The following HIPK1 variants were observed in gnomAD, a reference collection of about 807,000 sequenced individuals.
HIPK1 encodes the protein homeodomain-interacting protein kinase 1.
A neutral mutation model predicts 117.1 loss-of-function variants in HIPK1; 28 were observed. The ratio of observed to expected loss-of-function variants is 0.24; its 90% CI spans 0.18 to 0.33. HIPK1 has a LOEUF of 0.33. Among genes scored for constraint, HIPK1 ranks in the 10% least tolerant of loss-of-function variants. The pLI is 1.00. For synonymous variants in HIPK1, 605 were observed against 562.5 expected, an observed-to-expected ratio of 1.08 and a Z score of -1.07; for missense variants, 1,122 against 1,475.1, an observed-to-expected ratio of 0.76 and a Z score of 3.92.
At position 113,929,483 on chromosome 1, in the gene HIPK1, A is replaced by G. The variant is rs1470706090; in HGVS notation, c.-52A>G. The G allele has an allele frequency of 5.4e-6, 7 of 1,289,272 alleles. No homozygotes were observed. Among genetic ancestry groups the G allele is most frequent in the Non-Finnish European group, 7.1e-6 (7 of 988,870 alleles). The allele number at this position is 1,289,272 out of a possible 1,614,324, so 79.9% of individuals were successfully genotyped here. A position where few individuals can be genotyped will look rare whatever the true frequency, so the allele number is the denominator to read the frequency against. ...AGGCCCACCGACTCCTACTGCAATC[A>G]GTACTATGCGATCGTCCTAGAGAGT... On this transcript the variant is annotated 5_prime_UTR_variant, in exon 1 of 16. Transcript: ENST00000426820.
At chr1:113,959,724 T>C (rs969460773) in intron 8 of HIPK1, among the ~76,000 whole-genome samples, 2 of 152,196 alleles carry the variant, frequency 1.3e-5, no homozygotes, top group Non-Finnish European at 2.9e-5. Flanking sequence ...ATTTTTCCTA[T>C]CTAGGAAGTA....
intron 15 of HIPK1, 109 bp from the exon 16 acceptor site, chr1:113,972,915 A>G (rs933120431): frequency 1.1e-5 from 13 of 1,210,852 alleles, no homozygotes; most frequent in Admixed American, 7.6e-5. Context: ...ATTATGTGCT[A>G]TACCCATTCG....
rs747362872 is a variant in HIPK1, at chr1:113,958,047, A to G, written c.1756-19A>G. ...CTCTACTTAATACAAGTGTACAAAT[A>G]TAATCCTTTTGTTTTTAGGCCAGTG... On this transcript the variant is annotated intron_variant, in intron 7 of 15. Transcript: ENST00000426820. The G allele has an allele frequency of 6.5e-7, 1 of 1,550,244 alleles. No individual in the cohort carries two copies. Among genetic ancestry groups the G allele is most frequent in the Admixed American group, 1.7e-5 (1 of 59,930 alleles).
At chr1:113,936,175 C>T (rs1245721829) in intron 1 of HIPK1, among the ~76,000 whole-genome samples, 4 of 152,122 alleles carry the variant, frequency 2.6e-5, no homozygotes, top group Admixed American at 2.6e-4. Flanking sequence ...TGTAAGAACC[C>T]CGGTGGTCTG....
intron 1 of HIPK1, among the ~76,000 whole-genome samples, chr1:113,930,126 G>A (rs750695699): frequency 2.6e-4 from 40 of 152,240 alleles, no homozygotes; most frequent in Non-Finnish European, 4.6e-4. Context: ...CCGCTGAGGG[G>A]ATTGCCTTCC....
In HIPK1 at chr1:113,967,945, C is replaced by T; in HGVS notation, c.2561C>T (p.Ser854Phe). 6.2e-7 allele frequency: 1 copy of T among 1,602,948 alleles called. No individual in the cohort carries two copies. The highest frequency in any genetic ancestry group is 8.5e-7 in the Non-Finnish European group (1 of 1,177,508). Residue 854 changes from serine to phenylalanine, a missense_variant, in exon 12 of 16, where the codon TCC becomes TTC. This residue lies in a region of HIPK1 where 731 missense variants were observed against 860.4 expected (regional missense o/e 0.85). Coordinates refer to ENST00000426820, the MANE Select transcript of HIPK1 (RefSeq NM_198268.3). ...KKNKQSAPVS[S>F]KSSLDVLPSQ... The stretch of plus-strand genomic sequence containing the variant: ...AATAAGCAGTCAGCTCCAGTCTCTT[C>T]CAAGTGAGTCTGTGTTACAGCTGAT...
chr1:113,952,832 G>A lies in HIPK1; in HGVS notation c.1143G>A (p.Val381=). Residue 381 remains valine (V), a synonymous_variant, in exon 3 of 16, where the codon GTG becomes GTA. Coordinates refer to ENST00000426820, the MANE Select transcript of HIPK1 (RefSeq NM_198268.3). ...EAIDMWSLGC[V]IAELFLGWPL... Reference sequence around the variant, plus strand: ...TTGATATGTGGTCACTGGGCTGTGTGATAGCTGAGCTGTTCCTGGGATGGC... The same window carrying A: ...TTGATATGTGGTCACTGGGCTGTGTAATAGCTGAGCTGTTCCTGGGATGGC... The A allele has an allele frequency of 1.9e-6, 3 of 1,559,722 alleles. No individual in the cohort carries two copies. The highest frequency in any genetic ancestry group is 2.6e-6 in the Non-Finnish European group (3 of 1,150,140).
intron 2 of HIPK1, among the ~76,000 whole-genome samples, chr1:113,948,694 C>T (rs894779168): frequency 2.0e-5 from 3 of 151,626 alleles, no homozygotes; most frequent in African/African-American, 7.3e-5. Flanking sequence ...ACTCCAAAAG[C>T]AGGGTGAGAC....
chr1:113,940,617 T>A lies in HIPK1; in HGVS notation c.234T>A (p.Ala78=). ...PAYDQGLLLP[A]PAVEHIVVTA... The stretch of plus-strand genomic sequence containing the variant: ...ACGACCAGGGCCTCCTCCTCCCAGC[T>A]CCTGCAGTGGAGCATATTGTTGTAA... The change falls in exon 2 of 16, where the codon GCT becomes GCA. Residue 78 remains alanine, a synonymous_variant. Transcript: ENST00000426820. 1 of 1,614,164 alleles carries A rather than the reference T, an allele frequency of 6.2e-7. No homozygotes were observed. The highest frequency in any genetic ancestry group is 8.5e-7 in the Non-Finnish European group (1 of 1,180,032).
intron 2 of HIPK1, among the ~76,000 whole-genome samples, chr1:113,944,492 GT>G (rs545024919): frequency 2.5e-5 from 3 of 122,224 alleles, no homozygotes; most frequent in African/African-American, 6.1e-5. Context: ...TTTTTTTTTT[GT>G]TTTTTTTTTG....
chr1:113,956,304 C>T (rs748768436), intron 5 of HIPK1, among the ~76,000 whole-genome samples: 1 of 152,022 alleles, frequency 6.6e-6, no homozygotes, highest in Non-Finnish European at 1.5e-5. Context: ...GTCTCAAACT[C>T]CTGACCTCAG....
At chr1:113,950,652 G>A (rs368646017) in intron 2 of HIPK1, among the ~76,000 whole-genome samples, 7 of 152,124 alleles carry the variant, frequency 4.6e-5, no homozygotes, top group South Asian at 2.1e-4. Flanking sequence ...ACAGCTGCCC[G>A]CCACCATGCC....
intron 2 of HIPK1, among the ~76,000 whole-genome samples, chr1:113,947,027 T>G (rs1671031625): frequency 6.6e-6 from 1 of 152,204 alleles, no homozygotes; most frequent in Admixed American, 6.5e-5. Flanking sequence ...CTGTGAAATC[T>G]GTTTGGCTGG....
intron 1 of HIPK1, among the ~76,000 whole-genome samples, chr1:113,937,625 G>A (rs989514451): frequency 1.3e-5 from 2 of 152,154 alleles, no homozygotes; most frequent in African/African-American, 4.8e-5. Flanking sequence ...TAAGGCTTTG[G>A]TGATAGAAGA....
chr1:113,948,562 T>C (rs1671137541), intron 2 of HIPK1, among the ~76,000 whole-genome samples: 1 of 152,046 alleles, frequency 6.6e-6, no homozygotes, highest in South Asian at 2.1e-4. Context: ...CGTATTTTTT[T>C]TTTTTTTAAA....
At chr1:113,965,144 T>TA (rs1318550993) in intron 10 of HIPK1, among the ~76,000 whole-genome samples, 1 of 152,254 alleles carries the variant, frequency 6.6e-6, no homozygotes, top group African/African-American at 2.4e-5. Flanking sequence ...GTAGATCTGT[T>TA]ACTTGCAGAA....
rs1221815991 is a variant in HIPK1, at chr1:113,932,370, GTTTTTTTTT to G, written c.-3+2851_-3+2859del. ...AAACTCGTTTGGCCTTTTTGGATCT[GTTTTTTTTT>G]TTTTTTTTTTTTATTTGAGACAAGA... On this transcript the variant is annotated intron_variant, in intron 1 of 15. Transcript: ENST00000426820. 4 of 123,276 alleles carry G rather than the reference GTTTTTTTTT, an allele frequency of 3.2e-5. No individual in the cohort carries two copies. In the East Asian group the frequency reaches 9.4e-4, roughly 29 times the overall value. The allele number at this position is 123,276 out of a possible 1,614,324, so 7.6% of individuals were successfully genotyped here.
chr1:113,961,383 C>T (rs368679727), intron 8 of HIPK1, among the ~76,000 whole-genome samples: 3 of 152,108 alleles, frequency 2.0e-5, no homozygotes, highest in East Asian at 3.8e-4. Context: ...TTCTATAAAC[C>T]AGAATGTCTG....
At chr1:113,956,953 A>G (rs1478898647) in intron 6 of HIPK1, 142 bp downstream of exon 6, 7 of 916,174 alleles carry the variant, frequency 7.6e-6, no homozygotes, top group South Asian at 1.6e-5. Flanking sequence ...TTGAAACATC[A>G]TAAGATAAAA....
Sources: gnomAD v4.1 joint callset for allele counts (sites outside exome capture counted in the v4.1 genomes callset) on GRCh38, gnomAD v4.1.1 for gene constraint, gnomAD v4.1.1 regional missense constraint, MANE v1.5 for transcripts, NCBI Gene and HGNC (gene_info 2026-07-23, HGNC 2026-07-21) for gene names.